The following TSHZ2 variants were observed in gnomAD, a reference collection of about 807,000 sequenced individuals.
The protein encoded by TSHZ2 is teashirt zinc finger homeobox 2.
Under a neutral mutation model 74.4 loss-of-function variants are expected in TSHZ2, and 21 were observed. That is an observed-to-expected ratio of 0.28 (90% CI 0.20 to 0.41). The LOEUF is 0.41. Among genes scored for constraint, TSHZ2 ranks in the 10% least tolerant of loss-of-function variants. The probability of loss-of-function intolerance (pLI) is 1.00; values close to 1 mark genes in which losing one functional copy is unlikely to be tolerated. For missense variants in TSHZ2, 1,244 were observed against 1,293.5 expected (o/e 0.96, Z 0.59); for synonymous variants, 540 against 515.3 (o/e 1.05, Z -0.65).
At chr20:53,119,729 CT>C in intron 1 of TSHZ2, among the ~76,000 whole-genome samples, 1 of 152,166 alleles carries the variant, frequency 6.6e-6, no homozygotes. Flanking sequence ...ATTAATTTTG[CT>C]TGTTTAATGT....
chr20:53,167,544 G>A (rs1238256535), intron 1 of TSHZ2, among the ~76,000 whole-genome samples: 1 of 152,000 alleles, frequency 6.6e-6, no homozygotes, highest in African/African-American at 2.4e-5. Flanking sequence ...AGGGAGTAAT[G>A]TTTTGTTTGT....
intron 2 of TSHZ2, among the ~76,000 whole-genome samples, chr20:53,270,170 A>C (rs561395589): frequency 6.6e-6 from 1 of 152,040 alleles, no homozygotes; most frequent in African/African-American, 2.4e-5. Flanking sequence ...CCCCTCTAAT[A>C]GATGCACCTG....
At chr20:53,209,562 A>G (rs894786300) in intron 1 of TSHZ2, among the ~76,000 whole-genome samples, 2 of 152,228 alleles carry the variant, frequency 1.3e-5, no homozygotes, top group Non-Finnish European at 2.9e-5. Context: ...TATCAATACT[A>G]TCTAGCCGTA....
chr20:53,394,859 CAA>C (rs1005992034), intron 2 of TSHZ2, among the ~76,000 whole-genome samples: 139 of 44,116 alleles, frequency 3.2e-3, no homozygotes, highest in African/African-American at 1.0e-2. Flanking sequence ...CAGAACTCAC[CAA>C]AAAAAAAAAA....
chr20:53,128,753 C>T (rs1052045462), intron 1 of TSHZ2, among the ~76,000 whole-genome samples: 2 of 152,064 alleles, frequency 1.3e-5, no homozygotes, highest in South Asian at 4.2e-4. Context: ...TCCCGAGTAG[C>T]TGGGACTACA....
chr20:53,488,636 G>A lies in TSHZ2; in HGVS notation c.*1501G>A, dbSNP rs1307593999. 4.2e-6 allele frequency: 1 copy of A among 240,754 alleles called. No homozygotes were observed. The highest frequency in any genetic ancestry group is 2.3e-5 in the African/African-American group (1 of 42,912). 14.9% of individuals were successfully genotyped at this position (240,754 alleles called of 1,614,324 possible). A position where few individuals can be genotyped will look rare whatever the true frequency, so the allele number is the denominator to read the frequency against. ...ATGGTGAAATATTTATACTATTCTA[G>A]GCACAACACTAGGAACTAGGTGATT... On this transcript the variant is annotated 3_prime_UTR_variant, in exon 3 of 3. Coordinates refer to ENST00000371497, the MANE Select transcript of TSHZ2 (RefSeq NM_173485.6).
intron 1 of TSHZ2, among the ~76,000 whole-genome samples, chr20:53,152,686 G>T (rs1197117710): frequency 1.3e-5 from 2 of 152,322 alleles, no homozygotes; most frequent in East Asian, 3.9e-4. Flanking sequence ...CACCTAGAAA[G>T]ATTTAATGAG....
chr20:52,990,417 T>C (rs570421930), intron 1 of TSHZ2, among the ~76,000 whole-genome samples: 1 of 113,772 alleles, frequency 8.8e-6, no homozygotes, highest in African/African-American at 3.4e-5. Flanking sequence ...ATAATCCCAA[T>C]AATAAGTGTG....
At position 53,437,046 on chromosome 20, in the gene TSHZ2, T is replaced by G. The variant is rs536043315; in HGVS notation, c.*9-50098T>G. Among the ~76,000 whole-genome samples the G allele has an allele frequency of 3.3e-5, 5 of 152,354 alleles. No individual in the cohort carries two copies. The East Asian group carries it at 9.6e-4, about 29-fold the overall frequency. ...AAGGCTCCTGGTATCCTCTTTCTTT[T>G]CTAACCTAGAAAAGAGTATGCCCTC... On this transcript the variant is annotated intron_variant, in intron 2 of 2. Coordinates refer to ENST00000371497, the MANE Select transcript of TSHZ2 (RefSeq NM_173485.6).
chr20:53,250,043 G>A (rs746002957), intron 1 of TSHZ2, among the ~76,000 whole-genome samples: 7 of 152,136 alleles, frequency 4.6e-5, no homozygotes, highest in African/African-American at 7.2e-5. Flanking sequence ...AGAATGGACC[G>A]GATTTGCTCG....
chr20:53,328,376 A>T (rs1979583284), intron 2 of TSHZ2, among the ~76,000 whole-genome samples: 1 of 152,248 alleles, frequency 6.6e-6, no homozygotes. Flanking sequence ...TCTGTTTGTA[A>T]GTAGTTGGAA....
At chr20:53,478,100 G>A (rs1358644339) in intron 2 of TSHZ2, among the ~76,000 whole-genome samples, 1 of 145,198 alleles carries the variant, frequency 6.9e-6, no homozygotes, top group Non-Finnish European at 1.5e-5. Flanking sequence ...GGAAGTCAGT[G>A]TGGCGATTCC....
At chr20:53,326,074 G>A (rs112859022) in intron 2 of TSHZ2, among the ~76,000 whole-genome samples, 32 of 152,226 alleles carry the variant, frequency 2.1e-4, no homozygotes, top group African/African-American at 4.3e-4. Flanking sequence ...GAGCCACCGC[G>A]CCCCACCCAA....
intron 2 of TSHZ2, among the ~76,000 whole-genome samples, chr20:53,318,268 A>G (rs575243410): frequency 6.6e-6 from 1 of 152,256 alleles, no homozygotes; most frequent in South Asian, 2.1e-4. Context: ...AGGGCAAAGG[A>G]TGGGTTTTCC....
At chr20:52,976,996 T>A (rs1981363817) in intron 1 of TSHZ2, among the ~76,000 whole-genome samples, 1 of 152,218 alleles carries the variant, frequency 6.6e-6, no homozygotes. Flanking sequence ...GCAGTAAACA[T>A]TAGACTATTA....
chr20:53,395,976 C>T (rs1233509052), intron 2 of TSHZ2, among the ~76,000 whole-genome samples: 1 of 152,180 alleles, frequency 6.6e-6, no homozygotes, highest in Admixed American at 6.5e-5. Flanking sequence ...CGCTCTGTTG[C>T]CCAGGCTGGA....
intron 2 of TSHZ2, among the ~76,000 whole-genome samples, chr20:53,364,178 C>A (rs1283010139): frequency 6.6e-6 from 1 of 152,154 alleles, no homozygotes; most frequent in Non-Finnish European, 1.5e-5. Flanking sequence ...CATGGTTATG[C>A]TGGCAAGGTC....
intron 1 of TSHZ2, among the ~76,000 whole-genome samples, chr20:53,095,799 T>C (rs935208800): frequency 1.3e-5 from 2 of 152,072 alleles, no homozygotes; most frequent in African/African-American, 4.8e-5. Flanking sequence ...AAAAATGTCC[T>C]CTGGGAGCCA....
intron 1 of TSHZ2, among the ~76,000 whole-genome samples, chr20:53,162,086 A>G (rs1179569588): frequency 6.6e-6 from 1 of 152,186 alleles, no homozygotes; most frequent in Non-Finnish European, 1.5e-5. Flanking sequence ...ATACTCATTA[A>G]AGGCTCATTT....
Sources: allele counts gnomAD v4.1 joint callset (sites outside exome capture counted in the v4.1 genomes callset), GRCh38; gene constraint gnomAD v4.1.1; transcripts MANE v1.5; gene names NCBI Gene and HGNC (gene_info 2026-07-23, HGNC 2026-07-21).